The following NME6 variants were observed in gnomAD, a reference collection of about 807,000 sequenced individuals.
NME6 encodes NME/NM23 nucleoside diphosphate kinase 6, also known as nucleoside diphosphate kinase 6, mitochondrial.
In NME6, 16 loss-of-function variants were observed where a neutral mutation model predicts 22.2. That is an observed-to-expected ratio of 0.72 (90% confidence interval 0.49 to 1.09). The LOEUF is 1.09. NME6 is among the 50% of genes least tolerant of loss of function. The probability of loss-of-function intolerance (pLI) is 0.00; values close to 1 mark genes in which losing one functional copy is unlikely to be tolerated. For synonymous variants in NME6, 58 were observed against 85.2 expected (o/e 0.68, Z 1.76); for missense variants, 229 against 239.0 (o/e 0.96, Z 0.28).
chr3:48,301,074 G>C (rs2035645523), intron 1 of NME6, among the ~76,000 whole-genome samples: 1 of 152,046 alleles, frequency 6.6e-6, no homozygotes, highest in Non-Finnish European at 1.5e-5. Flanking sequence ...AAAGCTGTCG[G>C]TACACTGCCA....
In NME6 at chr3:48,294,777, T is replaced by C. The variant is rs2034882475; in HGVS notation, c.421A>G (p.Ile141Val). Residue 141 changes from isoleucine (I) to valine (V), a missense_variant, in exon 6 of 6, where the codon ATT becomes GTT. Transcript: ENST00000442597. ...CTGAAGTCAGGGAAGAAGGCTGCAATCTCTCTGCTGGCTGAAACCACAGAG... is the reference window on the plus strand; with the variant it reads ...CTGAAGTCAGGGAAGAAGGCTGCAACCTCTCTGCTGGCTGAAACCACAGAG... ...SDSVVSASRE[I>V]AAFFPDFSEQ... The C allele has an allele frequency of 6.2e-7, 1 of 1,614,016 alleles. No homozygotes were observed. The highest frequency in any genetic ancestry group is 8.5e-7 in the Non-Finnish European group (1 of 1,179,958).
rs545852463 is a variant in NME6 at position 48,300,225 on chromosome 3, A to T, written c.-8+1128T>A. The T allele has an allele frequency of 1.1e-5, 5 of 456,556 alleles. No homozygotes were observed. The East Asian group carries it at 3.5e-4, about 32-fold the overall frequency. 28.3% of individuals were successfully genotyped at this position (456,556 alleles called of 1,614,324 possible). On this transcript the variant is annotated intron_variant, in intron 1 of 5. Coordinates refer to ENST00000442597, the MANE Select transcript of NME6 (RefSeq NM_001308426.2). ...CCCTGTTCTTAGAATAAAAACCAAA[A>T]TCCTTATCACGGCCTCCCAGGCTCT...
chr3:48,289,258 T>G (rs1275825371), downstream of NME6, among the ~76,000 whole-genome samples: 1 of 152,064 alleles, frequency 6.6e-6, no homozygotes, highest in East Asian at 1.9e-4. Flanking sequence ...GAGACAGGGT[T>G]TCACCATGTT....
downstream of NME6, among the ~76,000 whole-genome samples, chr3:48,287,909 C>CA (rs1270253436): frequency 2.0e-5 from 3 of 151,958 alleles, no homozygotes; most frequent in African/African-American, 7.3e-5. Context: ...GTAAGGTTAA[C>CA]AGCTGGAGAG....
At chr3:48,301,216 C>G (rs1473055664) in intron 1 of NME6, 137 bp downstream of exon 1, 1 of 1,492,312 alleles carries the variant, frequency 6.7e-7, no homozygotes, top group East Asian at 2.5e-5. Flanking sequence ...CTCACGGCCT[C>G]AACTCTCGAC....
intron 5 of NME6, 130 bp downstream of exon 5, chr3:48,294,945 T>C: frequency 7.1e-7 from 1 of 1,410,126 alleles, no homozygotes; most frequent in Non-Finnish European, 9.7e-7. Context: ...AGGCCACATC[T>C]GCCAACATGG....
At chr3:48,297,802 G>C (rs996102411) in intron 2 of NME6, 1 of 153,466 alleles carries the variant, frequency 6.5e-6, no homozygotes, top group African/African-American at 2.4e-5. Flanking sequence ...AGAAGTCAGA[G>C]AGATTCAAAG....
At chr3:48,290,798 A>C (rs1314871417), downstream of NME6, 1 of 169,198 alleles carries the variant, frequency 5.9e-6, no homozygotes, top group African/African-American at 2.4e-5. Context: ...AAGAATTAGA[A>C]CCAAGGGGCT....
rs1473526080 is a variant in NME6 at position 48,295,070 on chromosome 3, C to T, written c.394+5G>A. ...ATATCCTATGGCTATGGACAGGGGA[C>T]TCACCCGAACCATGGGTGGTGTTGC... On this transcript the variant is annotated splice_donor_5th_base_variant and intron_variant, in intron 5 of 5. Transcript: ENST00000442597. 2 of 1,613,516 alleles carry T rather than the reference C, an allele frequency of 1.2e-6. No homozygotes were observed. The highest frequency in any genetic ancestry group is 8.5e-7 in the Non-Finnish European group (1 of 1,179,674).
chr3:48,298,404 A>C, intron 2 of NME6, 23 bp downstream of exon 2: 64 of 1,598,880 alleles, frequency 4.0e-5, no homozygotes, highest in Non-Finnish European at 5.1e-5. Context: ...GGCATGCGGT[A>C]GAGACTTAGG....
At chr3:48,298,012 C>A in intron 2 of NME6, 1 of 237,076 alleles carries the variant, frequency 4.2e-6, no homozygotes, top group Admixed American at 5.2e-5. Flanking sequence ...TCCCCCAGAC[C>A]CTCCAGATAA....
At chr3:48,296,306 C>A in intron 3 of NME6, 148 bp from the exon 4 acceptor site, 1 of 1,082,474 alleles carries the variant, frequency 9.2e-7, no homozygotes. Context: ...GGGTCTGAAT[C>A]CAGGGTCTGC....
rs1049265733 is a variant in NME6, at chr3:48,298,474, G to C, written c.43C>G (p.Leu15Val). The change falls in exon 2 of 6, where the codon CTA becomes GTA. Residue 15 changes from leucine to valine, a missense_variant. By Grantham distance (32) the Leu-to-Val change is conservative (BLOSUM62 1). Transcript: ENST00000442597. ...LRSPQALQLTLALIKPDAVAH... is the reference protein window; with the variant it reads ...LRSPQALQLTVALIKPDAVAH... Reference sequence around the variant, plus strand: ...ACTGCGTCAGGCTTGATCAGGGCTAGAGTGAGCTGGAGAGCCTGAGGGCTT... The same window carrying C: ...ACTGCGTCAGGCTTGATCAGGGCTACAGTGAGCTGGAGAGCCTGAGGGCTT... 3 of 1,612,980 alleles carry C rather than the reference G, an allele frequency of 1.9e-6. No homozygotes were observed. The African/African-American group carries it at 4.0e-5, about 22-fold the overall frequency.
downstream of NME6, among the ~76,000 whole-genome samples, chr3:48,287,957 AAGG>A (rs2106867031): frequency 6.6e-6 from 1 of 152,254 alleles, no homozygotes; most frequent in Non-Finnish European, 1.5e-5. Context: ...TTTGAAGAGA[AAGG>A]AGAATACATG....
intron 4 of NME6, 84 bp from the exon 5 acceptor site, chr3:48,295,319 A>C: frequency 7.0e-7 from 1 of 1,419,928 alleles, no homozygotes; most frequent in Non-Finnish European, 9.5e-7. Context: ...ATAAAAACAC[A>C]CTCTACGTTC....
downstream of NME6, chr3:48,291,203 T>C: frequency 5.4e-6 from 2 of 368,896 alleles, no homozygotes; most frequent in South Asian, 4.5e-5. Context: ...CCCAGCTGTG[T>C]AATATATTGG....
chr3:48,297,851 C>A, intron 2 of NME6: 1 of 157,612 alleles, frequency 6.3e-6, no homozygotes, highest in Admixed American at 6.0e-5. Flanking sequence ...GTCTTGAAGA[C>A]AGACTGGGCC....
At position 48,294,085 on chromosome 3, in the gene NME6, C is replaced by CT. The variant is rs71074229; in HGVS notation, c.*551dup. 31,988 of 142,792 alleles carry CT rather than the reference C, an allele frequency of 0.22. 4,277 individuals are homozygous for CT. Among genetic ancestry groups the CT allele is most frequent in the Non-Finnish European group, 0.3 (19,861 of 65,254 alleles). 8.8% of individuals were successfully genotyped at this position (142,792 alleles called of 1,614,324 possible). On this transcript the variant is annotated 3_prime_UTR_variant, in exon 6 of 6. Transcript: ENST00000442597. ...TTAGGCAAGTCAATTAGACAAGCTTCTTTTTTTTTTTTTTTGAGACAGAAT... is the reference window on the plus strand; with the variant it reads ...TTAGGCAAGTCAATTAGACAAGCTTCTTTTTTTTTTTTTTTTGAGACAGAAT...
At chr3:48,291,129 G>A, downstream of NME6, 1 of 304,984 alleles carries the variant, frequency 3.3e-6, no homozygotes, top group Non-Finnish European at 6.5e-6. Flanking sequence ...ATTGCAGTAT[G>A]TCTTATTTGG....
Sources: gnomAD v4.1 joint callset for allele counts (sites outside exome capture counted in the v4.1 genomes callset) on GRCh38, gnomAD v4.1.1 for gene constraint, MANE v1.5 for transcripts, NCBI Gene and HGNC (gene_info 2026-07-23, HGNC 2026-07-21) for gene names.